Variants in ARHGEF28 observed in about 807,000 individuals in gnomAD.
The protein encoded by ARHGEF28 is 190 kDa guanine nucleotide exchange factor.
Under a neutral mutation model 206.6 loss-of-function variants are expected in ARHGEF28, and 152 were observed. The ratio of observed to expected loss-of-function variants is 0.74; its 90% CI spans 0.64 to 0.84. The LOEUF (loss-of-function observed/expected upper bound fraction) is 0.84, where lower values mean the gene tolerates loss of function less well. Ranked by LOEUF, ARHGEF28 falls within the 40% of genes least tolerant of loss-of-function variation. The pLI is 0.00. For missense variants in ARHGEF28, 2,028 were observed against 2,073.2 expected, an observed-to-expected ratio of 0.98 and a Z score of 0.42; for synonymous variants, 763 against 776.4, an observed-to-expected ratio of 0.98 and a Z score of 0.29.
At chr5:73,925,988 G>A (rs968058119) in intron 35 of ARHGEF28, among the ~76,000 whole-genome samples, 1 of 152,194 alleles carries the variant, frequency 6.6e-6, no homozygotes, top group Non-Finnish European at 1.5e-5. Context: ...TAGGATAGGT[G>A]TCTGTTTAAC....
At chr5:73,929,822 T>C (rs1445863823) in intron 35 of ARHGEF28, among the ~76,000 whole-genome samples, 3 of 152,208 alleles carry the variant, frequency 2.0e-5, no homozygotes, top group Non-Finnish European at 4.4e-5. Context: ...GTGTTACCGC[T>C]ACATTTTTAT....
At chr5:73,882,157 A>C (rs1021242001) in intron 22 of ARHGEF28, among the ~76,000 whole-genome samples, 1 of 152,208 alleles carries the variant, frequency 6.6e-6, no homozygotes, top group Non-Finnish European at 1.5e-5. Flanking sequence ...AAAAGTATTA[A>C]AACTATAAAT....
At chr5:73,774,516 G>A (rs1753434400) in intron 5 of ARHGEF28, among the ~76,000 whole-genome samples, 1 of 152,150 alleles carries the variant, frequency 6.6e-6, no homozygotes, top group Non-Finnish European at 1.5e-5. Context: ...CATAATATTT[G>A]TTGAAAGGAT....
At chr5:73,727,078 T>G (rs1245824285) in intron 2 of ARHGEF28, among the ~76,000 whole-genome samples, 1 of 152,210 alleles carries the variant, frequency 6.6e-6, no homozygotes, top group East Asian at 1.9e-4. Flanking sequence ...AATATTTTTC[T>G]TCATTACCTG....
At chr5:73,793,599 G>A (rs967657342) in intron 7 of ARHGEF28, among the ~76,000 whole-genome samples, 1 of 152,142 alleles carries the variant, frequency 6.6e-6, no homozygotes, top group Admixed American at 6.5e-5. Flanking sequence ...CCACAATGTT[G>A]TATGTTAATG....
chr5:73,932,878 G>A (rs1378819990), intron 35 of ARHGEF28, among the ~76,000 whole-genome samples: 1 of 117,374 alleles, frequency 8.5e-6, no homozygotes, highest in Non-Finnish European at 1.6e-5. Flanking sequence ...GCGCGATCTC[G>A]GCTCACTGCA....
At chr5:73,806,751 ACG>A (rs1170603623) in intron 9 of ARHGEF28, among the ~76,000 whole-genome samples, 3 of 132,904 alleles carry the variant, frequency 2.3e-5, no homozygotes, top group Non-Finnish European at 4.9e-5. Context: ...TACCATATAT[ACG>A]ATATATCGTA....
rs1291835629 is a variant in ARHGEF28, at chr5:73,753,012, G to A, written c.285G>A (p.Met95Ile). Reference sequence around the variant, plus strand: ...GCTCAGTGACCTACGTGGACAACATGGCTTGCAGGCTGGCTCGTCTGCTGG... The same window carrying A: ...GCTCAGTGACCTACGTGGACAACATAGCTTGCAGGCTGGCTCGTCTGCTGG... ...GSGSVTYVDN[M>I]ACRLARLLVT... The change falls in exon 4 of 36, where the codon ATG becomes ATA. Residue 95 changes from methionine to isoleucine, a missense_variant. Met to Ile is a conservative substitution (Grantham distance 10, BLOSUM62 1). Coordinates refer to ENST00000513042, the MANE Select transcript of ARHGEF28 (RefSeq NM_001177693.2). 1 of 1,613,158 alleles carries A rather than the reference G, an allele frequency of 6.2e-7. No individual in the cohort carries two copies. The highest frequency in any genetic ancestry group is 1.1e-5 in the South Asian group (1 of 90,772).
chr5:73,665,965 A>G (rs1745926354), intron 1 of ARHGEF28, among the ~76,000 whole-genome samples: 1 of 152,232 alleles, frequency 6.6e-6, no homozygotes, highest in African/African-American at 2.4e-5. Flanking sequence ...TCAAAAGTTC[A>G]AAGTACAAAC....
rs762196826 is a variant in ARHGEF28, at chr5:73,909,487, G to C, written c.4237G>C (p.Gly1413Arg). Residue 1413 changes from glycine to arginine, a missense_variant, in exon 34 of 36, where the codon GGC becomes CGC. Gly to Arg is a moderately radical substitution (Grantham distance 125). Around this residue, in one of 3 missense-constraint regions of ARHGEF28, gnomAD observed 803 missense variants for 768.0 expected, o/e 1.05. Coordinates refer to ENST00000513042, the MANE Select transcript of ARHGEF28 (RefSeq NM_001177693.2). ...CCAGCAGCAGGAGGGCCTGTCTCTC[G>C]GCCACTCTATCCTCCGAGGCGGCCC... ...VLQQQEGLSL[G>R]HSILRGGPLQ... 6.2e-7 allele frequency: 1 copy of C among 1,612,232 alleles called. No individual in the cohort carries two copies. Among genetic ancestry groups the C allele is most frequent in the African/African-American group, 1.3e-5 (1 of 75,026 alleles).
At chr5:73,852,816 G>A (rs1323508653) in intron 14 of ARHGEF28, 124 bp downstream of exon 14, 1 of 1,007,000 alleles carries the variant, frequency 9.9e-7, no homozygotes, top group Non-Finnish European at 1.6e-6. Flanking sequence ...GCCTGCCTAA[G>A]ACCCTTTGCT....
chr5:73,745,047 A>G (rs940150282), intron 2 of ARHGEF28, among the ~76,000 whole-genome samples: 1 of 152,064 alleles, frequency 6.6e-6, no homozygotes, highest in South Asian at 2.1e-4. Flanking sequence ...AAACCCCACT[A>G]TAAAAAGATG....
chr5:73,886,083 A>G lies in ARHGEF28; in HGVS notation c.3289A>G (p.Thr1097Ala), dbSNP rs372919255. The G allele has an allele frequency of 6.8e-6, 11 of 1,612,982 alleles. No homozygotes were observed. Among genetic ancestry groups the G allele is most frequent in the Non-Finnish European group, 9.3e-6 (11 of 1,179,542 alleles). The change falls in exon 25 of 36, where the codon ACT (threonine) becomes GCT (alanine). Residue 1097 changes from threonine (T) to alanine (A), a missense_variant. Thr to Ala is a moderately conservative substitution (Grantham distance 58). Coordinates refer to ENST00000513042, the MANE Select transcript of ARHGEF28 (RefSeq NM_001177693.2). ...LLYDGLVYWK[T>A]ATGRFKDILA... ...ATATGATGGCCTTGTTTACTGGAAA[A>G]CTGCTACAGGTCGTTTCAAAGGTAC... is the stretch of plus-strand genomic sequence containing the variant.
chr5:73,787,082 C>T (rs1347009842), intron 7 of ARHGEF28, among the ~76,000 whole-genome samples: 3 of 152,150 alleles, frequency 2.0e-5, no homozygotes, highest in Non-Finnish European at 2.9e-5. Context: ...CAAGATTTTT[C>T]ATTTGAGACA....
intron 22 of ARHGEF28, among the ~76,000 whole-genome samples, chr5:73,880,488 A>G (rs1760848430): frequency 1.3e-5 from 2 of 152,132 alleles, no homozygotes; most frequent in Admixed American, 1.3e-4. Flanking sequence ...GGTACCTCAG[A>G]TGGAAATGCA....
At chr5:73,874,868 A>G (rs1760354742) in intron 22 of ARHGEF28, among the ~76,000 whole-genome samples, 1 of 149,730 alleles carries the variant, frequency 6.7e-6, no homozygotes, top group Non-Finnish European at 1.5e-5. Context: ...GAATAATGCC[A>G]CAATAAACAT....
intron 9 of ARHGEF28, among the ~76,000 whole-genome samples, chr5:73,807,038 T>A (rs1166755415): frequency 1.9e-5 from 1 of 51,554 alleles, no homozygotes; most frequent in Non-Finnish European, 5.9e-5. Context: ...TGTAAGAGGT[T>A]TTTTTTTTTT....
At chr5:73,939,450 C>G (rs773016479) in intron 35 of ARHGEF28, among the ~76,000 whole-genome samples, 1 of 152,162 alleles carries the variant, frequency 6.6e-6, no homozygotes, top group Non-Finnish European at 1.5e-5. Flanking sequence ...AGCCTTTGAG[C>G]AGAGCTGTGG....
intron 2 of ARHGEF28, among the ~76,000 whole-genome samples, chr5:73,741,387 A>G (rs10473958): frequency 0.055 from 494 of 8,942 alleles, 2 homozygotes; most frequent in African/African-American, 0.15. Flanking sequence ...GTGTGTGTGT[A>G]TATATATATA....
Sources: allele counts gnomAD v4.1 joint callset (sites outside exome capture counted in the v4.1 genomes callset), GRCh38; gene constraint gnomAD v4.1.1; regional missense constraint gnomAD v4.1.1; transcripts MANE v1.5; gene names NCBI Gene and HGNC (gene_info 2026-07-23, HGNC 2026-07-21).